Variants in TMEM117 observed in about 807,000 individuals in gnomAD.
TMEM117 encodes transmembrane protein 117.
Under a neutral mutation model 52.4 loss-of-function variants are expected in TMEM117, and 27 were observed. That is an observed-to-expected ratio of 0.51 (90% CI 0.38 to 0.71). The LOEUF is 0.71. Ranked by LOEUF, TMEM117 falls within the 30% of genes least tolerant of loss-of-function variation. TMEM117 has a pLI of 0.00. For synonymous variants in TMEM117, 215 were observed against 206.3 expected (o/e 1.04, Z -0.36); for missense variants, 556 against 630.5 (o/e 0.88, Z 1.26).
At chr12:44,193,120 A>G (rs936328867) in intron 4 of TMEM117, among the ~76,000 whole-genome samples, 3 of 152,192 alleles carry the variant, frequency 2.0e-5, no homozygotes, top group African/African-American at 7.2e-5. Flanking sequence ...CTTTAAGAAT[A>G]TCTTTCTAGG....
chr12:43,945,599 A>C (rs1945119309), intron 3 of TMEM117, among the ~76,000 whole-genome samples: 1 of 152,218 alleles, frequency 6.6e-6, no homozygotes, highest in Admixed American at 6.5e-5. Flanking sequence ...CTGGGATTAC[A>C]GGCTTGAGCC....
In TMEM117 at chr12:44,340,538, TA is replaced by T. The variant is rs1951403060; in HGVS notation, c.769-36056del. ...CTGCTCTTTTCAGCCAGTCTCGAGC[TA>T]CAGAGGCCCTTTCCTCTTAAAAATA... On this transcript the variant is annotated intron_variant, in intron 6 of 7. Transcript: ENST00000266534. Among the ~76,000 whole-genome samples the T allele has an allele frequency of 3.3e-5, 5 of 152,242 alleles. No homozygotes were observed. The South Asian group carries it at 1.0e-3, about 32-fold the overall frequency.
chr12:43,959,421 G>GA lies in TMEM117; in HGVS notation c.410+15086dup, dbSNP rs1381315393. ...CTCAAGGCTGATTTATCATTTAGTGGAAAAAAATCAGGGTGAACTTTTACT... is the reference window on the plus strand; with the variant it reads ...CTCAAGGCTGATTTATCATTTAGTGGAAAAAAAATCAGGGTGAACTTTTACT... On this transcript the variant is annotated intron_variant, in intron 3 of 7. Coordinates refer to ENST00000266534, the MANE Select transcript of TMEM117 (RefSeq NM_032256.3). 2.0e-5 allele frequency among the ~76,000 whole-genome samples: 3 copies of GA among 152,136 alleles called. No individual in the cohort carries two copies. The East Asian group carries it at 5.8e-4, about 29-fold the overall frequency.
chr12:44,228,653 G>A lies in TMEM117; in HGVS notation c.608+17266G>A, dbSNP rs547292494. ...TAATCAGAGAACTGAATGACTGGAA[G>A]GAATGAGCCATGTGAAGGTCTAGGA... On this transcript the variant is annotated intron_variant, in intron 5 of 7. Coordinates refer to ENST00000266534, the MANE Select transcript of TMEM117 (RefSeq NM_032256.3). Among the ~76,000 whole-genome samples, 85 of 152,234 alleles carry A rather than the reference G, an allele frequency of 5.6e-4. 1 individual carries two copies. The highest frequency in any genetic ancestry group is 3.8e-4 in the Non-Finnish European group (26 of 68,010).
intron 2 of TMEM117, among the ~76,000 whole-genome samples, chr12:43,895,508 G>C (rs1944184701): frequency 6.6e-6 from 1 of 152,160 alleles, no homozygotes; most frequent in South Asian, 2.1e-4. Flanking sequence ...GTTTATAAAT[G>C]AATTAAAGCC....
chr12:43,976,795 A>G (rs145843997), intron 3 of TMEM117, among the ~76,000 whole-genome samples: 134 of 152,298 alleles, frequency 8.8e-4, no homozygotes, highest in African/African-American at 2.2e-3. Context: ...ATTGAAGAGT[A>G]TAGATGTGTG....
chr12:44,377,033 G>A (rs569039712), intron 7 of TMEM117, among the ~76,000 whole-genome samples: 1 of 152,274 alleles, frequency 6.6e-6, no homozygotes, highest in African/African-American at 2.4e-5. Context: ...AAAGAAATAT[G>A]TCACCTTTCC....
intron 3 of TMEM117, among the ~76,000 whole-genome samples, chr12:44,068,155 A>G (rs893925112): frequency 6.6e-6 from 1 of 152,228 alleles, no homozygotes; most frequent in African/African-American, 2.4e-5. Context: ...CTTGCTCTCA[A>G]TTAGGCTTTG....
intron 2 of TMEM117, among the ~76,000 whole-genome samples, chr12:43,851,995 G>A (rs1331642467): frequency 1.3e-5 from 2 of 152,214 alleles, no homozygotes; most frequent in Admixed American, 6.5e-5. Context: ...GTTCATCAAA[G>A]TGTAGAGTAT....
intron 3 of TMEM117, among the ~76,000 whole-genome samples, chr12:43,983,688 A>G (rs1354076165): frequency 1.3e-5 from 2 of 151,442 alleles, no homozygotes; most frequent in African/African-American, 4.9e-5. Context: ...GAGGGAATTA[A>G]TCTACATTGA....
At chr12:43,881,406 A>G (rs548433353) in intron 2 of TMEM117, among the ~76,000 whole-genome samples, 20 of 152,324 alleles carry the variant, frequency 1.3e-4, no homozygotes, top group African/African-American at 4.8e-4. Flanking sequence ...TATTTTACTA[A>G]TACTTTTTAT....
intron 3 of TMEM117, among the ~76,000 whole-genome samples, chr12:44,100,496 A>T (rs1457902941): frequency 6.6e-6 from 1 of 152,026 alleles, no homozygotes; most frequent in African/African-American, 2.4e-5. Context: ...TGCCAGGTTC[A>T]TTCTATTTTT....
chr12:44,389,391 A>G lies in TMEM117; in HGVS notation c.*719A>G, dbSNP rs1434618859. 6.6e-6 allele frequency: 1 copy of G among 152,592 alleles called. No individual in the cohort carries two copies. Among genetic ancestry groups the G allele is most frequent in the African/African-American group, 2.4e-5 (1 of 41,442 alleles). 9.5% of individuals were successfully genotyped at this position (152,592 alleles called of 1,614,324 possible). On this transcript the variant is annotated 3_prime_UTR_variant, in exon 8 of 8. Coordinates refer to ENST00000266534, the MANE Select transcript of TMEM117 (RefSeq NM_032256.3). ...AAGATAAATTGCTACTTGATTAAAAATCCTGCCCTTCACCTTTGGGAACAA... is the reference window on the plus strand; with the variant it reads ...AAGATAAATTGCTACTTGATTAAAAGTCCTGCCCTTCACCTTTGGGAACAA...
chr12:44,269,739 C>G (rs565903410), intron 5 of TMEM117, among the ~76,000 whole-genome samples: 61 of 152,118 alleles, frequency 4.0e-4, no homozygotes, highest in African/African-American at 1.4e-3. Context: ...AGGAATGATA[C>G]TTTCCAAGTC....
rs1196145134 is a variant in TMEM117 at position 44,019,404 on chromosome 12, CAG to C, written c.410+75065_410+75066del. The stretch of plus-strand genomic sequence containing the variant: ...CCTGACAGAGTGGCAGAGGGAGAAA[CAG>C]AGGCTTCAGGAGGGTACTGGCTCAT... On this transcript the variant is annotated intron_variant, in intron 3 of 7. Coordinates refer to ENST00000266534, the MANE Select transcript of TMEM117 (RefSeq NM_032256.3). 3.3e-5 allele frequency among the ~76,000 whole-genome samples: 5 copies of C among 152,142 alleles called. No homozygotes were observed. In the South Asian group the frequency reaches 8.3e-4, roughly 25 times the overall value.
intron 3 of TMEM117, among the ~76,000 whole-genome samples, chr12:44,098,335 C>T (rs1034529434): frequency 6.6e-6 from 1 of 152,054 alleles, no homozygotes; most frequent in African/African-American, 2.4e-5. Flanking sequence ...CTGTTCTCCA[C>T]TTTCCAGAAC....
At chr12:44,178,606 A>G (rs1324889984) in intron 4 of TMEM117, among the ~76,000 whole-genome samples, 3 of 152,210 alleles carry the variant, frequency 2.0e-5, no homozygotes, top group Non-Finnish European at 2.9e-5. Context: ...TCAAACCTAT[A>G]AATACCACAT....
chr12:43,938,862 C>T (rs1321579081), intron 2 of TMEM117, among the ~76,000 whole-genome samples: 1 of 151,652 alleles, frequency 6.6e-6, no homozygotes, highest in Non-Finnish European at 1.5e-5. Context: ...TAGCCAGGCA[C>T]GGTGGCGTGT....
Position 43,944,407 on chromosome 12 carries a change from G to GT in TMEM117, c.410+71dup, listed in dbSNP as rs534176725. On this transcript the variant is annotated intron_variant, in intron 3 of 7. Coordinates refer to ENST00000266534, the MANE Select transcript of TMEM117 (RefSeq NM_032256.3). ...GTTTGAAACTTGTAAGAATTTAAGA[G>GT]TTTTTTAGCTTGTAGTAGTCTAAGT... The GT allele has an allele frequency of 3.0e-4, 439 of 1,471,338 alleles. 2 individuals are homozygous for GT. The African/African-American group carries it at 5.6e-3, about 19-fold the overall frequency. The allele number at this position is 1,471,338 out of a possible 1,614,324, so 91.1% of individuals were successfully genotyped here. A position where few individuals can be genotyped will look rare whatever the true frequency, so the allele number is the denominator to read the frequency against.
Sources: allele counts gnomAD v4.1 joint callset (sites outside exome capture counted in the v4.1 genomes callset), GRCh38; gene constraint gnomAD v4.1.1; transcripts MANE v1.5; gene names NCBI Gene and HGNC (gene_info 2026-07-23, HGNC 2026-07-21).